Variants in DGKG observed in about 807,000 individuals in gnomAD.
DGKG encodes the protein diacylglycerol kinase gamma.
A neutral mutation model predicts 105.3 loss-of-function variants in DGKG; 78 were observed. The observed-to-expected ratio is 0.74, with a 90% CI of 0.62 to 0.89. The LOEUF is 0.89. DGKG is among the 40% of genes least tolerant of loss of function. DGKG has a pLI of 0.00. For synonymous variants in DGKG, 346 were observed against 367.1 expected (o/e 0.94, Z 0.66); for missense variants, 958 against 1,020.1 (o/e 0.94, Z 0.83).
intron 21 of DGKG, among the ~76,000 whole-genome samples, chr3:186,208,442 G>A (rs867849576): frequency 6.8e-6 from 1 of 147,922 alleles, no homozygotes; most frequent in Non-Finnish European, 1.5e-5. Flanking sequence ...AAAAAAAGAA[G>A]AAAAAAAAAA....
At chr3:186,281,032 G>C (rs767865408) in intron 7 of DGKG, 5 of 273,412 alleles carry the variant, frequency 1.8e-5, no homozygotes, top group Non-Finnish European at 3.6e-5. Flanking sequence ...AACTTGGAAA[G>C]CATAGAAAGC....
chr3:186,220,469 GT>G (rs772981949), intron 20 of DGKG, among the ~76,000 whole-genome samples: 20 of 152,156 alleles, frequency 1.3e-4, no homozygotes, highest in Non-Finnish European at 2.4e-4. Flanking sequence ...CTCCTTACTG[GT>G]TTACTCTCCC....
At position 186,150,073 on chromosome 3, in the gene DGKG, G is replaced by A; in HGVS notation, c.*17C>T. ...TCTTGCTTTCTCTCTTGGTTTAGCT[G>A]GTGTTTGGCACACTGTTTAGTCTTT... On this transcript the variant is annotated 3_prime_UTR_variant, in exon 25 of 25. Transcript: ENST00000265022. 1 of 1,606,462 alleles carries A rather than the reference G, an allele frequency of 6.2e-7. No individual in the cohort carries two copies. Among genetic ancestry groups the A allele is most frequent in the Non-Finnish European group, 8.5e-7 (1 of 1,176,952 alleles).
In DGKG at chr3:186,188,292, G is replaced by A; in HGVS notation, c.2005C>T (p.Leu669Phe). The A allele has an allele frequency of 1.2e-6, 2 of 1,614,182 alleles. No individual in the cohort carries two copies. The highest frequency in any genetic ancestry group is 1.7e-6 in the Non-Finnish European group (2 of 1,180,046). The change falls in exon 22 of 25, where the codon CTC (leucine) becomes TTC (phenylalanine). Residue 669 changes from leucine (L) to phenylalanine (F), a missense_variant. Leu to Phe is a conservative substitution (Grantham distance 22, BLOSUM62 0). Coordinates refer to ENST00000265022, the MANE Select transcript of DGKG (RefSeq NM_001346.3). Reference protein sequence around the residue: ...NIPSMYGGTNLWGENKKNRAV... With the variant: ...NIPSMYGGTNFWGENKKNRAV... ...CGGTTCTTCTTGTTTTCTCCCCAGAGATTGGTGCCTCCGTACATGCTGGGA... is the reference window on the plus strand; with the variant it reads ...CGGTTCTTCTTGTTTTCTCCCCAGAAATTGGTGCCTCCGTACATGCTGGGA...
chr3:186,297,972 G>A, intron 4 of DGKG, 92 bp downstream of exon 4: 1 of 1,444,980 alleles, frequency 6.9e-7, no homozygotes. Context: ...CAGTTACTAT[G>A]TTCAGGGGAC....
At chr3:186,352,783 A>G (rs1403550146) in intron 1 of DGKG, among the ~76,000 whole-genome samples, 1 of 152,098 alleles carries the variant, frequency 6.6e-6, no homozygotes, top group Admixed American at 6.6e-5. Flanking sequence ...AAAGCCTCTC[A>G]GGGGCAGCCT....
Position 186,275,528 on chromosome 3 carries a change from T to C in DGKG, c.910+19A>G. 1 of 1,604,360 alleles carries C rather than the reference T, an allele frequency of 6.2e-7. No individual in the cohort carries two copies. The highest frequency in any genetic ancestry group is 1.1e-5 in the South Asian group (1 of 90,874). On this transcript the variant is annotated intron_variant, in intron 10 of 24. Coordinates refer to ENST00000265022, the MANE Select transcript of DGKG (RefSeq NM_001346.3). ...CAAGATAGTGCCTGGGGGAAGAGGT[T>C]TGAAGGAAATTTACTCACAAGTGCA...
chr3:186,320,420 A>G lies in DGKG; in HGVS notation c.40T>C (p.Phe14Leu). The G allele has an allele frequency of 6.2e-7, 1 of 1,614,208 alleles. No homozygotes were observed. The highest frequency in any genetic ancestry group is 1.1e-5 in the South Asian group (1 of 91,080). ...ERWVSLTPEE[F>L]DQLQKYSEYS... ...TCTGAATATTTCTGGAGTTGGTCAA[A>G]TTCTTCTGGAGTGAGGGAGACCCAC... is the stretch of plus-strand genomic sequence containing the variant. The change falls in exon 2 of 25, where the codon TTT becomes CTT. Residue 14 changes from phenylalanine (F) to leucine (L), a missense_variant. Transcript: ENST00000265022.
chr3:186,293,381 G>A (rs963148719), intron 5 of DGKG, among the ~76,000 whole-genome samples: 1 of 152,024 alleles, frequency 6.6e-6, no homozygotes, highest in African/African-American at 2.4e-5. Flanking sequence ...TTTATAATTT[G>A]GAAAAACTAA....
chr3:186,211,095 A>G (rs1296898205), intron 21 of DGKG, among the ~76,000 whole-genome samples: 3 of 152,238 alleles, frequency 2.0e-5, no homozygotes, highest in Non-Finnish European at 2.9e-5. Flanking sequence ...GGCCCCTACA[A>G]GTGCCGGAAG....
intron 1 of DGKG, among the ~76,000 whole-genome samples, chr3:186,349,988 G>A (rs1371438526): frequency 2.6e-5 from 4 of 151,838 alleles, no homozygotes; most frequent in African/African-American, 4.8e-5. Context: ...AGGTTCAAGC[G>A]ATTCTCATGC....
chr3:186,318,233 C>T (rs1316763462), intron 2 of DGKG, among the ~76,000 whole-genome samples: 1 of 152,164 alleles, frequency 6.6e-6, no homozygotes, highest in Non-Finnish European at 1.5e-5. Context: ...CTGCTATCCC[C>T]ACGCCTCCTA....
intron 11 of DGKG, 77 bp from the exon 12 acceptor site, chr3:186,268,994 T>A: frequency 3.9e-6 from 4 of 1,026,392 alleles, no homozygotes; most frequent in East Asian, 2.4e-5. Flanking sequence ...AGGAGAAGGA[T>A]CTGGGAGGGG....
At position 186,226,376 on chromosome 3, in the gene DGKG, C is replaced by T. The variant is rs528905115; in HGVS notation, c.1827-14491G>A. Among the ~76,000 whole-genome samples, 111 of 152,242 alleles carry T rather than the reference C, an allele frequency of 7.3e-4. No homozygotes were observed. Among genetic ancestry groups the T allele is most frequent in the African/African-American group, 2.6e-3 (109 of 41,522 alleles). ...GGGGAAATGTGTACAAGGCATGAAC[C>T]AGAACGTCAGCTCAAATCAGAGGGC... On this transcript the variant is annotated intron_variant, in intron 20 of 24. Transcript: ENST00000265022. This position sits in a 1 kb window ranked among gnomAD's most constrained non-coding sequence, Gnocchi z 4.2.
At position 186,306,819 on chromosome 3, in the gene DGKG, G is replaced by A. The variant is rs1578809537; in HGVS notation, c.144+82C>T. ...GAGGAGCAAGTTCTTCAAGGCAAGCGGAGTCTCCAAGAGGGAAACAAATTA... is the reference window on the plus strand; with the variant it reads ...GAGGAGCAAGTTCTTCAAGGCAAGCAGAGTCTCCAAGAGGGAAACAAATTA... On this transcript the variant is annotated intron_variant, in intron 3 of 24. Coordinates refer to ENST00000265022, the MANE Select transcript of DGKG (RefSeq NM_001346.3). 2.7e-5 allele frequency: 25 copies of A among 909,556 alleles called. 1 individual carries two copies. The highest frequency in any genetic ancestry group is 1.0e-4 in the South Asian group (7 of 68,608). The allele number at this position is 909,556 out of a possible 1,614,324, so 56.3% of individuals were successfully genotyped here.
rs1717884216 is a variant in DGKG, at chr3:186,191,078, TTCTCTGTGG to T, written c.1918-2708_1918-2700del. On this transcript the variant is annotated intron_variant, in intron 21 of 24. Transcript: ENST00000265022. ...ATGAGCCCCAGTGAGGTTAAGAAAC[TTCTCTGTGG>T]TCATCTGACTTATTAGTGGTGGAGC... 3.9e-5 allele frequency among the ~76,000 whole-genome samples: 6 copies of T among 152,256 alleles called. No individual in the cohort carries two copies. The South Asian group carries it at 1.2e-3, about 32-fold the overall frequency.
intron 1 of DGKG, among the ~76,000 whole-genome samples, chr3:186,352,620 C>G (rs1195257123): frequency 6.6e-6 from 1 of 152,236 alleles, no homozygotes; most frequent in Admixed American, 6.5e-5. Context: ...AAACCACTAT[C>G]TTCCCAGGTG....
chr3:186,188,097 G>A (rs767417770), intron 22 of DGKG, 105 bp downstream of exon 22: 4 of 1,295,442 alleles, frequency 3.1e-6, no homozygotes, highest in Non-Finnish European at 4.4e-6. Flanking sequence ...GCAGAGCATG[G>A]AGTCCTTGCT....
intron 5 of DGKG, among the ~76,000 whole-genome samples, chr3:186,289,501 G>A (rs2108604530): frequency 6.6e-6 from 1 of 152,238 alleles, no homozygotes; most frequent in East Asian, 1.9e-4. Flanking sequence ...TCTAAGGTAG[G>A]AAAACACTTT....
Sources: allele counts gnomAD v4.1 joint callset (sites outside exome capture counted in the v4.1 genomes callset), GRCh38; gene constraint gnomAD v4.1.1; non-coding constraint Gnocchi (gnomAD v3.1); transcripts MANE v1.5; gene names NCBI Gene and HGNC (gene_info 2026-07-23, HGNC 2026-07-21).